The following COL23A1 variants were observed in gnomAD, a reference collection of about 807,000 sequenced individuals.
COL23A1 encodes collagen alpha-1(XXIII) chain.
A neutral mutation model predicts 99.3 loss-of-function variants in COL23A1; 97 were observed. That is an observed-to-expected ratio of 0.98 (90% CI 0.83 to 1.16). COL23A1 has a LOEUF of 1.16. Among genes scored for constraint, COL23A1 ranks in the 50% most tolerant of loss-of-function variants. COL23A1 has a pLI of 0.00. For missense variants in COL23A1, 762 were observed against 757.4 expected (o/e 1.01, Z -0.07); for synonymous variants, 320 against 308.2 (o/e 1.04, Z -0.40).
intron 3 of COL23A1, among the ~76,000 whole-genome samples, chr5:178,304,328 G>A (rs543449573): frequency 3.9e-5 from 6 of 152,192 alleles, no homozygotes; most frequent in African/African-American, 1.4e-4. Flanking sequence ...GGCCAACGTG[G>A]TGAAATCCCC....
chr5:178,545,840 T>C (rs1341238960), intron 2 of COL23A1, among the ~76,000 whole-genome samples: 1 of 152,178 alleles, frequency 6.6e-6, no homozygotes, highest in Non-Finnish European at 1.5e-5. Context: ...ACAGACATAT[T>C]TGATGCCTAC....
Position 178,535,679 on chromosome 5 carries a change from A to G in COL23A1, c.361+25003T>C, listed in dbSNP as rs74756051. ...ACCAGGGGTGGGACGTGACTCCAGG[A>G]GCTGGAGGCAGACCCATCACCCTGC... is the stretch of plus-strand genomic sequence containing the variant. On this transcript the variant is annotated intron_variant, in intron 2 of 28. Transcript: ENST00000390654. 2.2e-3 allele frequency among the ~76,000 whole-genome samples: 340 copies of G among 152,328 alleles called. 3 individuals carry two copies. The highest frequency in any genetic ancestry group is 8.0e-3 in the African/African-American group (331 of 41,582).
At chr5:178,431,946 G>A (rs964192157) in intron 2 of COL23A1, among the ~76,000 whole-genome samples, 9 of 152,318 alleles carry the variant, frequency 5.9e-5, no homozygotes, top group Admixed American at 4.6e-4. Flanking sequence ...AACACGGGAT[G>A]GGGGAAAATC....
intron 3 of COL23A1, among the ~76,000 whole-genome samples, chr5:178,300,379 A>C (rs1210864310): frequency 6.6e-6 from 1 of 151,698 alleles, no homozygotes; most frequent in Non-Finnish European, 1.5e-5. Context: ...ATTTTCAAAG[A>C]TAGTTTTGCC....
chr5:178,364,542 C>A (rs1424808383), intron 2 of COL23A1, among the ~76,000 whole-genome samples: 1 of 151,502 alleles, frequency 6.6e-6, no homozygotes, highest in African/African-American at 2.4e-5. Flanking sequence ...ATGATCATCC[C>A]TCACGGGCCG....
intron 5 of COL23A1, among the ~76,000 whole-genome samples, chr5:178,285,631 C>T (rs967093167): frequency 7.9e-5 from 12 of 152,240 alleles, no homozygotes; most frequent in South Asian, 2.1e-4. Flanking sequence ...CAGTTAACCC[C>T]GCTCTGCAGG....
chr5:178,293,278 T>G, intron 3 of COL23A1, among the ~76,000 whole-genome samples: 1 of 150,510 alleles, frequency 6.6e-6, no homozygotes, highest in Non-Finnish European at 1.5e-5. Context: ...CTTGAGGAGG[T>G]GAGAAGGGCT....
rs886578965 is a variant in COL23A1 at position 178,384,894 on chromosome 5, G to T, written c.362-77975C>A. On this transcript the variant is annotated intron_variant, in intron 2 of 28. Coordinates refer to ENST00000390654, the MANE Select transcript of COL23A1 (RefSeq NM_173465.4). This position sits in a 1 kb window ranked among gnomAD's most constrained non-coding sequence, Gnocchi z 5.5. ...AATAGCCTGCAAGGAGGAAGAGCGC[G>T]GTGAGAGGTCAAATGGGTGGCGAGG... 6.6e-6 allele frequency among the ~76,000 whole-genome samples: 1 copy of T among 151,326 alleles called. No individual in the cohort carries two copies. The highest frequency in any genetic ancestry group is 2.1e-4 in the South Asian group (1 of 4,758).
Position 178,485,215 on chromosome 5 carries a change from G to A in COL23A1, c.361+75467C>T, listed in dbSNP as rs10074825. On this transcript the variant is annotated intron_variant, in intron 2 of 28. Coordinates refer to ENST00000390654, the MANE Select transcript of COL23A1 (RefSeq NM_173465.4). ...AGGCAGGATGTGGTGGCTCACGCCT[G>A]TAATCCCAGCACTTTGGGAGGCCAG... Among the ~76,000 whole-genome samples the A allele has an allele frequency of 4.0e-3, 602 of 152,316 alleles. 3 individuals carry two copies. The highest frequency in any genetic ancestry group is 9.6e-3 in the African/African-American group (399 of 41,578).
intron 2 of COL23A1, among the ~76,000 whole-genome samples, chr5:178,409,218 A>C (rs937847172): frequency 6.6e-6 from 1 of 152,210 alleles, no homozygotes; most frequent in African/African-American, 2.4e-5. Flanking sequence ...GCACCATAAA[A>C]TACTACTCAG....
At chr5:178,287,109 G>C (rs559963740) in intron 5 of COL23A1, among the ~76,000 whole-genome samples, 2 of 152,268 alleles carry the variant, frequency 1.3e-5, no homozygotes, top group African/African-American at 4.8e-5. Flanking sequence ...CCGGGCTGCC[G>C]TGTGCAGGAG....
chr5:178,543,758 T>G (rs976183094), intron 2 of COL23A1, among the ~76,000 whole-genome samples: 1 of 152,138 alleles, frequency 6.6e-6, no homozygotes, highest in Non-Finnish European at 1.5e-5. Context: ...TACTATGAAT[T>G]GCATGGCTTA....
intron 5 of COL23A1, among the ~76,000 whole-genome samples, chr5:178,279,291 A>G (rs1024386518): frequency 6.6e-6 from 1 of 152,030 alleles, no homozygotes; most frequent in African/African-American, 2.4e-5. Flanking sequence ...TTTCTCACTT[A>G]TGGACTCACT....
chr5:178,306,810 T>C lies in COL23A1; in HGVS notation c.406+65A>G. On this transcript the variant is annotated intron_variant, in intron 3 of 28. Coordinates refer to ENST00000390654, the MANE Select transcript of COL23A1 (RefSeq NM_173465.4). The surrounding 1 kb of genome is among the most constrained non-coding windows in gnomAD (Gnocchi z 4.1). ...GGCAGCAGGTGGCCAGGCCCTGCAGTCAGAGCCTGGGGCCATGGTGGCTTC... is the reference window on the plus strand; with the variant it reads ...GGCAGCAGGTGGCCAGGCCCTGCAGCCAGAGCCTGGGGCCATGGTGGCTTC... The C allele has an allele frequency of 4.0e-6, 5 of 1,255,384 alleles. No homozygotes were observed. Among genetic ancestry groups the C allele is most frequent in the Non-Finnish European group, 5.3e-6 (5 of 943,632 alleles). The allele number at this position is 1,255,384 out of a possible 1,614,324, so 77.8% of individuals were successfully genotyped here. A position where few individuals can be genotyped will look rare whatever the true frequency, so the allele number is the denominator to read the frequency against.
intron 2 of COL23A1, among the ~76,000 whole-genome samples, chr5:178,526,345 G>A (rs1032299692): frequency 2.6e-5 from 4 of 152,196 alleles, no homozygotes; most frequent in African/African-American, 9.6e-5. Flanking sequence ...CTCAGTTACA[G>A]TGACAGGCTC....
At chr5:178,367,224 G>A (rs561644087) in intron 2 of COL23A1, among the ~76,000 whole-genome samples, 2 of 152,294 alleles carry the variant, frequency 1.3e-5, no homozygotes, top group Admixed American at 6.5e-5. Context: ...CGAGTCTTCC[G>A]ATGATGTCCA....
intron 2 of COL23A1, among the ~76,000 whole-genome samples, chr5:178,372,099 A>G (rs1427973620): frequency 6.6e-6 from 1 of 152,204 alleles, no homozygotes; most frequent in African/African-American, 2.4e-5. Flanking sequence ...AAATCAGGCA[A>G]TTTCACACAC....
chr5:178,412,998 G>A (rs571775803), intron 2 of COL23A1, among the ~76,000 whole-genome samples: 2 of 141,648 alleles, frequency 1.4e-5, no homozygotes, highest in Non-Finnish European at 1.5e-5. Flanking sequence ...TCTGAGCCTG[G>A]GCAACATAGC....
At chr5:178,293,089 A>C (rs1231160984) in intron 3 of COL23A1, among the ~76,000 whole-genome samples, 7 of 151,982 alleles carry the variant, frequency 4.6e-5, no homozygotes, top group Non-Finnish European at 1.0e-4. Context: ...GGTGCTTTGG[A>C]GGAGCTCTGC....
Sources: gnomAD v4.1 joint callset for allele counts (sites outside exome capture counted in the v4.1 genomes callset) on GRCh38, gnomAD v4.1.1 for gene constraint, Gnocchi (gnomAD v3.1) non-coding constraint, MANE v1.5 for transcripts, NCBI Gene and HGNC (gene_info 2026-07-23, HGNC 2026-07-21) for gene names.